Variants in PALS1 observed in about 807,000 individuals in gnomAD.
PALS1 encodes protein PALS1.
A neutral mutation model predicts 78.9 loss-of-function variants in PALS1; 31 were observed. The ratio of observed to expected loss-of-function variants is 0.39; its 90% confidence interval spans 0.30 to 0.53. The LOEUF is 0.53. Among genes scored for constraint, PALS1 ranks in the 20% least tolerant of loss-of-function variants. PALS1 has a pLI of 0.67. For synonymous variants in PALS1, 276 were observed against 270.9 expected (o/e 1.02, Z -0.18); for missense variants, 704 against 826.5 (o/e 0.85, Z 1.82).
rs2084566202 is a variant in PALS1, at chr14:67,279,350, G to A, written c.180G>A (p.Arg60=). 1.2e-6 allele frequency: 2 copies of A among 1,613,818 alleles called. No homozygotes were observed. The highest frequency in any genetic ancestry group is 3.3e-4 in the Middle Eastern group (2 of 6,056). The change falls in exon 3 of 15, where the codon CGG becomes CGA. Residue 60 remains arginine, a synonymous_variant. Transcript: ENST00000261681. Reference sequence around the variant, plus strand: ...GAAGTGCACAGTTGGAGCGTATTCGGCAACAACAGGAGGACATGAGGCGTA... The same window carrying A: ...GAAGTGCACAGTTGGAGCGTATTCGACAACAACAGGAGGACATGAGGCGTA... ...IRRSAQLERI[R]QQQEDMRRRR...
chr14:67,318,911 A>C (rs2085218979), intron 11 of PALS1, among the ~76,000 whole-genome samples: 1 of 152,120 alleles, frequency 6.6e-6, no homozygotes, highest in South Asian at 2.1e-4. Context: ...ACAAAAAATT[A>C]GCCAGGCGTG....
rs2085510826 is a variant in PALS1, at chr14:67,335,222, T to A, written c.*2266T>A. On this transcript the variant is annotated 3_prime_UTR_variant, in exon 15 of 15. Coordinates refer to ENST00000261681, the MANE Select transcript of PALS1 (RefSeq NM_022474.4). ...CCTAAACTTTTCTAAATCCTAGTGA[T>A]GAGGATGTGCTGATATTCAACATAG... 1 of 152,206 alleles carries A rather than the reference T, an allele frequency of 6.6e-6. No homozygotes were observed. The highest frequency in any genetic ancestry group is 1.5e-5 in the Non-Finnish European group (1 of 68,040). The allele number at this position is 152,206 out of a possible 1,614,324, so 9.4% of individuals were successfully genotyped here. A position where few individuals can be genotyped will look rare whatever the true frequency, so the allele number is the denominator to read the frequency against.
At chr14:67,330,141 T>C (rs1202712172) in intron 14 of PALS1, among the ~76,000 whole-genome samples, 10 of 143,226 alleles carry the variant, frequency 7.0e-5, no homozygotes, top group African/African-American at 2.1e-4. Flanking sequence ...AGGAAATAAA[T>C]AATAATAATA....
chr14:67,321,503 A>G (rs978164970), intron 13 of PALS1, among the ~76,000 whole-genome samples: 1 of 152,206 alleles, frequency 6.6e-6, no homozygotes, highest in Non-Finnish European at 1.5e-5. Context: ...GCTTGAGACC[A>G]GAGTGTTTTG....
Position 67,321,147 on chromosome 14 carries a change from G to A in PALS1, c.1628G>A (p.Gly543Glu). The stretch of plus-strand genomic sequence containing the variant: ...GCATTCGAGGCAGACATAGCAGCTG[G>A]AAAGTTCATTGAGCATGGTGAATTT... ...RQAFEADIAA[G>E]KFIEHGEFEK... is the part of the protein sequence containing the mutation. The change falls in exon 13 of 15, where the codon GGA becomes GAA. Residue 543 changes from glycine (G) to glutamate (E), a missense_variant. Gly to Glu is a moderately conservative substitution (Grantham distance 98, BLOSUM62 -2). Coordinates refer to ENST00000261681, the MANE Select transcript of PALS1 (RefSeq NM_022474.4). 1 of 1,614,182 alleles carries A rather than the reference G, an allele frequency of 6.2e-7. No homozygotes were observed. The highest frequency in any genetic ancestry group is 1.1e-5 in the South Asian group (1 of 91,084).
rs771564286 is a variant in PALS1, at chr14:67,302,453, G to A, written c.845G>A (p.Arg282Gln). ...RNEMDSVIIS[R>Q]IVKGGAAEKS... ...GAAATGGACTCTGTCATCATTAGCC[G>A]GATAGTAAAAGGGGGTGCTGCAGAG... Residue 282 changes from arginine to glutamine, a missense_variant, in exon 7 of 15, where the codon CGG (arginine) becomes CAG (glutamine). Physicochemically the swap from Arg to Gln is conservative, Grantham distance 43. Transcript: ENST00000261681. 3.1e-6 allele frequency: 5 copies of A among 1,598,308 alleles called. No homozygotes were observed. In the South Asian group the frequency reaches 3.4e-5, roughly 11 times the overall value.
intron 14 of PALS1, among the ~76,000 whole-genome samples, chr14:67,329,963 G>T (rs1182570081): frequency 6.6e-6 from 1 of 151,190 alleles, no homozygotes; most frequent in Non-Finnish European, 1.5e-5. Context: ...CTCTGAATCT[G>T]TTCTTCTAGT....
chr14:67,291,099 A>G (rs1307526923), intron 3 of PALS1, among the ~76,000 whole-genome samples: 1 of 152,192 alleles, frequency 6.6e-6, no homozygotes, highest in East Asian at 1.9e-4. Context: ...ATTCTATAAT[A>G]AGAGCAACCA....
chr14:67,316,862 T>C lies in PALS1; in HGVS notation c.1256T>C (p.Met419Thr). The change falls in exon 10 of 15, where the codon ATG becomes ACG. Residue 419 changes from methionine to threonine, a missense_variant. Coordinates refer to ENST00000261681, the MANE Select transcript of PALS1 (RefSeq NM_022474.4). ...AGCTTTCAGCAGCAAAGGGAAGCCA[T>C]GAAACAAACCATAGAAGAAGATAAG... ...GKSFQQQREAMKQTIEEDKEP... is the reference protein window; with the variant it reads ...GKSFQQQREATKQTIEEDKEP... The C allele has an allele frequency of 6.2e-7, 1 of 1,612,716 alleles. No homozygotes were observed. Among genetic ancestry groups the C allele is most frequent in the Non-Finnish European group, 8.5e-7 (1 of 1,179,274 alleles).
chr14:67,318,918 C>T (rs561545467), intron 11 of PALS1, among the ~76,000 whole-genome samples: 1 of 152,110 alleles, frequency 6.6e-6, no homozygotes, highest in Admixed American at 6.5e-5. Flanking sequence ...ATTAGCCAGG[C>T]GTGATGGCGG....
intron 7 of PALS1, 26 bp from the exon 8 acceptor site, chr14:67,303,496 A>G: frequency 6.4e-7 from 1 of 1,570,016 alleles, no homozygotes; most frequent in Non-Finnish European, 8.8e-7. Flanking sequence ...GCAAATTTAA[A>G]AAATAACCTG....
At chr14:67,296,585 C>CAAAAAAAAAAAAA (rs374329692) in intron 4 of PALS1, among the ~76,000 whole-genome samples, 2 of 51,000 alleles carry the variant, frequency 3.9e-5, no homozygotes, top group African/African-American at 9.2e-5. Context: ...AACTCTGTCT[C>CAAAAAAAAAAAAA]AAAAAAAAAA....
At chr14:67,269,332 A>G (rs1003849464) in intron 1 of PALS1, among the ~76,000 whole-genome samples, 9 of 150,978 alleles carry the variant, frequency 6.0e-5, no homozygotes, top group African/African-American at 2.2e-4. Flanking sequence ...TTTTTGTACA[A>G]GTTTTTGTGT....
chr14:67,254,294 C>T (rs527902969), intron 1 of PALS1: 1 of 150,836 alleles, frequency 6.6e-6, no homozygotes, highest in Non-Finnish European at 1.5e-5. Flanking sequence ...TGGGTACTCG[C>T]CTTGTTGAAT....
At chr14:67,319,563 T>TG (rs2085229923) in intron 11 of PALS1, among the ~76,000 whole-genome samples, 1 of 150,302 alleles carries the variant, frequency 6.7e-6, no homozygotes, top group Non-Finnish European at 1.5e-5. Flanking sequence ...AAGAATAGTC[T>TG]GGGGCCACAC....
intron 2 of PALS1, among the ~76,000 whole-genome samples, chr14:67,273,132 T>A (rs1281774041): frequency 2.0e-5 from 3 of 146,920 alleles, no homozygotes; most frequent in Non-Finnish European, 4.4e-5. Context: ...TTTTTTTTTT[T>A]ATACTTTAAG....
chr14:67,312,719 C>A lies in PALS1; in HGVS notation c.1225+9C>A, dbSNP rs1049575249. The A allele has an allele frequency of 1.3e-6, 2 of 1,569,716 alleles. No homozygotes were observed. Among genetic ancestry groups the A allele is most frequent in the African/African-American group, 1.4e-5 (1 of 73,554 alleles). ...AGCCGGGCTTGTTCCAGGTAAGACA[C>A]AATATGGTAGAAAGTACATAATATT... On this transcript the variant is annotated intron_variant, in intron 9 of 14. Transcript: ENST00000261681.
At chr14:67,303,444 AG>A in intron 7 of PALS1, 77 bp from the exon 8 acceptor site, 1 of 1,152,822 alleles carries the variant, frequency 8.7e-7, no homozygotes, top group Non-Finnish European at 1.3e-6. Flanking sequence ...AGTCCAGTTT[AG>A]GGAATATAGA....
At chr14:67,266,381 A>G (rs2140541097) in intron 1 of PALS1, among the ~76,000 whole-genome samples, 1 of 152,266 alleles carries the variant, frequency 6.6e-6, no homozygotes, top group East Asian at 1.9e-4. Flanking sequence ...TCTGAAGTGC[A>G]GTGGCGTGAT....
Sources: allele counts gnomAD v4.1 joint callset (sites outside exome capture counted in the v4.1 genomes callset), GRCh38; gene constraint gnomAD v4.1.1; transcripts MANE v1.5; gene names NCBI Gene and HGNC (gene_info 2026-07-23, HGNC 2026-07-21).